The following EBF1 variants were observed in gnomAD, a reference collection of about 807,000 sequenced individuals.
EBF1 encodes the protein EBF transcription factor 1, also known as transcription factor COE1.
EBF1 carries 10 observed loss-of-function variants against 68.4 expected under a neutral mutation model. The observed-to-expected ratio is 0.15, with a 90% CI of 0.09 to 0.25. EBF1 has a LOEUF of 0.25. EBF1 is among the 10% of genes least tolerant of loss of function. The pLI, the probability that EBF1 is intolerant of heterozygous loss-of-function variation, is 1.00. For synonymous variants in EBF1, 298 were observed against 299.8 expected (o/e 0.99, Z 0.06); for missense variants, 509 against 794.4 (o/e 0.64, Z 4.32).
At chr5:159,028,744 G>C (rs1768193710) in intron 6 of EBF1, among the ~76,000 whole-genome samples, 1 of 152,176 alleles carries the variant, frequency 6.6e-6, no homozygotes, top group East Asian at 1.9e-4. Flanking sequence ...TTGATGGTTG[G>C]ATGGAAGGTT....
intron 6 of EBF1, among the ~76,000 whole-genome samples, chr5:158,885,210 G>A (rs939936481): frequency 1.3e-5 from 2 of 152,166 alleles, no homozygotes; most frequent in African/African-American, 4.8e-5. Flanking sequence ...GATGACAATG[G>A]GAAGACATGG....
chr5:159,073,753 C>T (rs1584432250), intron 5 of EBF1: 2 of 400,218 alleles, frequency 5.0e-6, no homozygotes, highest in East Asian at 8.5e-5. Flanking sequence ...GCGGTGCTGG[C>T]AGAGTTCACT....
chr5:158,752,607 CTGAG>C, intron 10 of EBF1, among the ~76,000 whole-genome samples: 1 of 152,196 alleles, frequency 6.6e-6, no homozygotes, highest in Non-Finnish European at 1.5e-5. Context: ...CATTTCGTTA[CTGAG>C]TGAGGGAGGA....
intron 6 of EBF1, among the ~76,000 whole-genome samples, chr5:158,950,930 C>T (rs1583417543): frequency 1.3e-5 from 2 of 152,270 alleles, no homozygotes; most frequent in Admixed American, 1.3e-4. Flanking sequence ...GGATGGCTGG[C>T]AGCCCATGTT....
chr5:158,714,246 G>T, intron 11 of EBF1, 64 bp from the exon 12 acceptor site: 1 of 1,577,160 alleles, frequency 6.3e-7, no homozygotes, highest in South Asian at 1.1e-5. Context: ...CTTTTGACAT[G>T]ATCACATTCC....
At chr5:158,845,705 G>GAAAAAAAA (rs374702772) in intron 6 of EBF1, among the ~76,000 whole-genome samples, 1 of 138,280 alleles carries the variant, frequency 7.2e-6, no homozygotes, top group Non-Finnish European at 1.5e-5. Context: ...CCTACAAAAA[G>GAAAAAAAA]AAAAAAAAAA....
At chr5:158,998,005 C>A (rs34366240) in intron 6 of EBF1, among the ~76,000 whole-genome samples, 35,353 of 152,056 alleles carry the variant, frequency 0.23, 4,473 homozygotes, top group Non-Finnish European at 0.27. Flanking sequence ...CTGCTACCTC[C>A]TCCTCATTCT....
chr5:158,751,736 G>A lies in EBF1; in HGVS notation c.1037-20579C>T, dbSNP rs575449573. On this transcript the variant is annotated intron_variant, in intron 10 of 15. Transcript: ENST00000313708. ...ATTTGTAAAACACTTAGAAGACTAC[G>A]TTATACAATAAGTACTTATCCATTA... 1.3e-4 allele frequency among the ~76,000 whole-genome samples: 20 copies of A among 152,160 alleles called. No individual in the cohort carries two copies. In the South Asian group the frequency reaches 2.3e-3, roughly 17 times the overall value.
chr5:158,785,574 G>A (rs1296949126), intron 9 of EBF1, among the ~76,000 whole-genome samples: 2 of 152,152 alleles, frequency 1.3e-5, no homozygotes, highest in Non-Finnish European at 2.9e-5. Flanking sequence ...CTCAGAGAAC[G>A]TGAGAAAAAG....
At chr5:159,049,102 G>T (rs562015267) in intron 6 of EBF1, among the ~76,000 whole-genome samples, 150 of 152,202 alleles carry the variant, frequency 9.9e-4, no homozygotes, top group African/African-American at 3.5e-3. Flanking sequence ...CATGCTAGCA[G>T]GTATTTATCA....
At chr5:158,703,970 G>C (rs1757307075) in intron 15 of EBF1, among the ~76,000 whole-genome samples, 2 of 152,212 alleles carry the variant, frequency 1.3e-5, no homozygotes, top group Admixed American at 6.5e-5. Flanking sequence ...TTGAGGGCAG[G>C]ATTTTGTAGC....
chr5:158,742,567 C>T lies in EBF1; in HGVS notation c.1037-11410G>A, dbSNP rs191041245. Reference sequence around the variant, plus strand: ...GACTAATTAGACATATTTACATATTCCCCACTCTCAAGGAACTCCAGAGTC... The same window carrying T: ...GACTAATTAGACATATTTACATATTTCCCACTCTCAAGGAACTCCAGAGTC... On this transcript the variant is annotated intron_variant, in intron 10 of 15. Coordinates refer to ENST00000313708, the MANE Select transcript of EBF1 (RefSeq NM_024007.5). Among the ~76,000 whole-genome samples the T allele has an allele frequency of 3.8e-3, 576 of 152,276 alleles. 3 individuals are homozygous for T. Among genetic ancestry groups the T allele is most frequent in the Middle Eastern group, 0.02 (6 of 294 alleles).
chr5:158,871,361 TTAAA>T lies in EBF1; in HGVS notation c.555-31255_555-31252del, dbSNP rs1034487679. On this transcript the variant is annotated intron_variant, in intron 6 of 15. Coordinates refer to ENST00000313708, the MANE Select transcript of EBF1 (RefSeq NM_024007.5). ...CCCCTCCTGACTTAAAAAATAATAA[TTAAA>T]TAAAGTTCTAGACACATTTGGGCTC... Among the ~76,000 whole-genome samples the T allele has an allele frequency of 1.7e-3, 262 of 152,108 alleles. 2 individuals carry two copies. Among genetic ancestry groups the T allele is most frequent in the African/African-American group, 6.1e-3 (254 of 41,420 alleles).
At chr5:159,075,146 C>T (rs1258110598) in intron 5 of EBF1, among the ~76,000 whole-genome samples, 2 of 152,170 alleles carry the variant, frequency 1.3e-5, no homozygotes, top group Admixed American at 6.5e-5. Context: ...TCAGTTTCCT[C>T]ATCTGTAAAA....
chr5:159,090,652 C>A (rs1160937093), intron 4 of EBF1, among the ~76,000 whole-genome samples: 1 of 151,980 alleles, frequency 6.6e-6, no homozygotes, highest in Non-Finnish European at 1.5e-5. Flanking sequence ...GAGCTAAAAC[C>A]CCTTATATTA....
chr5:158,798,603 G>A (rs1561957958), intron 8 of EBF1, among the ~76,000 whole-genome samples: 1 of 152,008 alleles, frequency 6.6e-6, no homozygotes, highest in Non-Finnish European at 1.5e-5. Context: ...TTTCCCACTT[G>A]TTATACGTAG....
intron 6 of EBF1, among the ~76,000 whole-genome samples, chr5:158,866,692 TG>T (rs1795923710): frequency 2.0e-5 from 3 of 151,666 alleles, no homozygotes; most frequent in Admixed American, 2.0e-4. Flanking sequence ...CGTTTATGAG[TG>T]CAGCTTTGTC....
At chr5:158,719,809 C>T (rs893513876) in intron 11 of EBF1, among the ~76,000 whole-genome samples, 5 of 152,194 alleles carry the variant, frequency 3.3e-5, no homozygotes, top group Admixed American at 6.5e-5. Flanking sequence ...CTGGGAACTC[C>T]GCCCATAAAA....
At chr5:159,009,771 CA>C (rs11301958) in intron 6 of EBF1, among the ~76,000 whole-genome samples, 78,503 of 124,120 alleles carry the variant, frequency 0.63, 22,337 homozygotes, top group South Asian at 0.76. Context: ...GACCCCATCT[CA>C]AAAAAAAAAA....
Sources: allele counts gnomAD v4.1 joint callset (sites outside exome capture counted in the v4.1 genomes callset), GRCh38; gene constraint gnomAD v4.1.1; transcripts MANE v1.5; gene names NCBI Gene and HGNC (gene_info 2026-07-23, HGNC 2026-07-21).